CTNNA3: variants seen among roughly 807,000 people sequenced by gnomAD.
The protein encoded by CTNNA3 is catenin alpha-3.
A neutral mutation model predicts 95.7 loss-of-function variants in CTNNA3; 76 were observed. The ratio of observed to expected loss-of-function variants is 0.79; its 90% confidence interval spans 0.66 to 0.96. The LOEUF is 0.96. Among genes scored for constraint, CTNNA3 ranks in the 40% least tolerant of loss-of-function variants. The probability of loss-of-function intolerance (pLI) is 0.00; values close to 1 mark genes in which losing one functional copy is unlikely to be tolerated. For synonymous variants in CTNNA3, 431 were observed against 374.4 expected (o/e 1.15, Z -1.74); for missense variants, 1,191 against 1,089.8 (o/e 1.09, Z -1.31).
chr10:66,798,948 A>G (rs977043374), intron 7 of CTNNA3, among the ~76,000 whole-genome samples: 1 of 151,722 alleles, frequency 6.6e-6, no homozygotes, highest in Non-Finnish European at 1.5e-5. Flanking sequence ...AAGAGAGTAT[A>G]ATTCAAAGTA....
At chr10:66,259,056 T>C (rs2132093801) in intron 13 of CTNNA3, among the ~76,000 whole-genome samples, 1 of 152,308 alleles carries the variant, frequency 6.6e-6, no homozygotes, top group African/African-American at 2.4e-5. Flanking sequence ...TTATTCCTTG[T>C]TACTCTTCTT....
chr10:66,300,156 A>C (rs2091840580), intron 12 of CTNNA3, among the ~76,000 whole-genome samples: 2 of 152,160 alleles, frequency 1.3e-5, no homozygotes, highest in Non-Finnish European at 2.9e-5. Context: ...CCTCCCTAAG[A>C]GATGGGATTA....
At chr10:67,391,667 A>G (rs1475690634) in intron 5 of CTNNA3, among the ~76,000 whole-genome samples, 2 of 148,742 alleles carry the variant, frequency 1.3e-5, no homozygotes, top group African/African-American at 5.0e-5. Context: ...CTACAAGGCT[A>G]CAGTAACCAA....
intron 10 of CTNNA3, among the ~76,000 whole-genome samples, chr10:66,621,419 T>C (rs1844742099): frequency 1.3e-5 from 2 of 150,960 alleles, no homozygotes; most frequent in African/African-American, 4.9e-5. Flanking sequence ...AGGTCAGGAG[T>C]TCGAGACCAG....
chr10:66,621,996 AG>A (rs1844768100), intron 9 of CTNNA3, among the ~76,000 whole-genome samples: 1 of 152,148 alleles, frequency 6.6e-6, no homozygotes, highest in Non-Finnish European at 1.5e-5. Context: ...GTTTAAAATG[AG>A]GAGAGACTAG....
chr10:67,528,565 T>G (rs1321344425), intron 4 of CTNNA3, among the ~76,000 whole-genome samples: 1 of 152,092 alleles, frequency 6.6e-6, no homozygotes, highest in Non-Finnish European at 1.5e-5. Context: ...TAGTCAACTC[T>G]CCAAACTCAG....
chr10:66,305,862 T>C (rs971882498), intron 12 of CTNNA3, among the ~76,000 whole-genome samples: 6 of 152,196 alleles, frequency 3.9e-5, no homozygotes, highest in Non-Finnish European at 7.4e-5. Flanking sequence ...CTCTCTCTTA[T>C]CCCTTGCACT....
chr10:67,373,566 T>C (rs1843568199), intron 5 of CTNNA3, among the ~76,000 whole-genome samples: 1 of 152,000 alleles, frequency 6.6e-6, no homozygotes, highest in African/African-American at 2.4e-5. Flanking sequence ...GACAGATCCA[T>C]GAGACAGAAA....
intron 12 of CTNNA3, among the ~76,000 whole-genome samples, chr10:66,355,573 CTTTA>C (rs1008396175): frequency 1.3e-5 from 2 of 151,850 alleles, no homozygotes; most frequent in African/African-American, 4.8e-5. Flanking sequence ...ATAGGAAACT[CTTTA>C]TTTTTGAATT....
chr10:66,254,739 G>T (rs1390669423), intron 13 of CTNNA3, among the ~76,000 whole-genome samples: 1 of 152,096 alleles, frequency 6.6e-6, no homozygotes, highest in Non-Finnish European at 1.5e-5. Context: ...TCCCTCAACA[G>T]TCTGGTACTT....
chr10:67,628,897 G>A (rs1210496371), intron 2 of CTNNA3, among the ~76,000 whole-genome samples: 1 of 151,412 alleles, frequency 6.6e-6, no homozygotes, highest in African/African-American at 2.4e-5. Flanking sequence ...AAATCCTGAA[G>A]TATGGGTCTT....
intron 13 of CTNNA3, among the ~76,000 whole-genome samples, chr10:66,263,065 A>G (rs2091051808): frequency 6.6e-6 from 1 of 151,990 alleles, no homozygotes; most frequent in African/African-American, 2.4e-5. Context: ...TAAGAAAACT[A>G]ATTATGATAA....
intron 5 of CTNNA3, among the ~76,000 whole-genome samples, chr10:67,278,706 G>C (rs183427874): frequency 5.9e-5 from 9 of 152,168 alleles, no homozygotes; most frequent in Middle Eastern, 3.2e-3. Context: ...GAAGGAAAAC[G>C]AAGGGGGAAG....
chr10:67,736,040 C>G (rs565724941), intron 1 of CTNNA3, among the ~76,000 whole-genome samples: 20 of 152,082 alleles, frequency 1.3e-4, no homozygotes, highest in Non-Finnish European at 2.2e-4. Context: ...TAAAAGCAAT[C>G]CAAGTGTCCA....
upstream of CTNNA3, among the ~76,000 whole-genome samples, chr10:67,701,143 G>A (rs182827791): frequency 2.7e-4 from 41 of 152,272 alleles, no homozygotes; most frequent in Admixed American, 2.2e-3. Flanking sequence ...CCAAATCTAC[G>A]TCTGATTGGT....
At chr10:67,129,052 A>C in intron 7 of CTNNA3, among the ~76,000 whole-genome samples, 1 of 152,188 alleles carries the variant, frequency 6.6e-6, no homozygotes, top group Non-Finnish European at 1.5e-5. Context: ...GAACTGTGAA[A>C]ATTAGACTGC....
chr10:66,448,067 C>T (rs567794234), intron 11 of CTNNA3, among the ~76,000 whole-genome samples: 2 of 152,194 alleles, frequency 1.3e-5, no homozygotes, highest in Admixed American at 6.5e-5. Context: ...CCAAAAAACA[C>T]ATGAAAAAAT....
chr10:66,792,535 G>GT (rs1256966410), intron 7 of CTNNA3, among the ~76,000 whole-genome samples: 1 of 152,104 alleles, frequency 6.6e-6, no homozygotes, highest in Non-Finnish European at 1.5e-5. Flanking sequence ...AGGATGTAGA[G>GT]TAAGTGGAAT....
chr10:65,936,988 A>G (rs2077350368), intron 17 of CTNNA3, among the ~76,000 whole-genome samples: 2 of 151,838 alleles, frequency 1.3e-5, no homozygotes, highest in Admixed American at 6.6e-5. Context: ...AACTATATAT[A>G]TTATATAAAT....
Sources: allele counts gnomAD v4.1 joint callset (sites outside exome capture counted in the v4.1 genomes callset), GRCh38; gene constraint gnomAD v4.1.1; transcripts MANE v1.5; gene names NCBI Gene and HGNC (gene_info 2026-07-23, HGNC 2026-07-21).